The following ABCA4 variants were observed in gnomAD, a reference collection of about 807,000 sequenced individuals.
ABCA4 encodes the protein ATP binding cassette subfamily A member 4.
In ABCA4, 196 loss-of-function variants were observed where a neutral mutation model predicts 263.7. That is an observed-to-expected ratio of 0.74 (90% CI 0.66 to 0.84). The LOEUF is 0.84. Ranked by LOEUF, ABCA4 falls within the 40% of genes least tolerant of loss-of-function variation. The pLI, the probability that ABCA4 is intolerant of heterozygous loss-of-function variation, is 0.00. For synonymous variants in ABCA4, 1,133 were observed against 1,094.2 expected (o/e 1.04, Z -0.70); for missense variants, 2,792 against 2,855.1 (o/e 0.98, Z 0.50).
At chr1:94,085,192 A>G (rs962222619) in intron 6 of ABCA4, among the ~76,000 whole-genome samples, 1 of 152,196 alleles carries the variant, frequency 6.6e-6, no homozygotes, top group African/African-American at 2.4e-5. Context: ...AGGGAAGTAC[A>G]TATGGTGAAA....
chr1:94,026,599 C>T (rs942404919), intron 30 of ABCA4, among the ~76,000 whole-genome samples: 1 of 152,198 alleles, frequency 6.6e-6, no homozygotes, highest in Non-Finnish European at 1.5e-5. Flanking sequence ...TGGTGGAATC[C>T]AGGTTGGAAA....
chr1:94,043,551 G>A lies in ABCA4; in HGVS notation c.3051-76C>T, dbSNP rs894015546. Reference sequence around the variant, plus strand: ...AGCAGCTGATCTTACAGAAATAATTGAGGACAAGTATTCTTGATTTGGCAA... The same window carrying A: ...AGCAGCTGATCTTACAGAAATAATTAAGGACAAGTATTCTTGATTTGGCAA... On this transcript the variant is annotated intron_variant, in intron 20 of 49. Coordinates refer to ENST00000370225, the MANE Select transcript of ABCA4 (RefSeq NM_000350.3). The A allele has an allele frequency of 1.1e-5, 18 of 1,584,964 alleles. No individual in the cohort carries two copies. In the African/African-American group the frequency reaches 2.0e-4, roughly 18 times the overall value.
In ABCA4 at chr1:94,015,723, G is replaced by T; in HGVS notation, c.5312+16C>A. ...CTTCTCTTCAGAGGCATTAGCTAATGGCCCAAACGGCTTACCCATACAGCA... is the reference window on the plus strand; with the variant it reads ...CTTCTCTTCAGAGGCATTAGCTAATTGCCCAAACGGCTTACCCATACAGCA... On this transcript the variant is annotated intron_variant, in intron 37 of 49. Coordinates refer to ENST00000370225, the MANE Select transcript of ABCA4 (RefSeq NM_000350.3). 10 of 1,519,008 alleles carry T rather than the reference G, an allele frequency of 6.6e-6. No individual in the cohort carries two copies. The highest frequency in any genetic ancestry group is 1.4e-5 in the African/African-American group (1 of 72,956). The allele number at this position is 1,519,008 out of a possible 1,614,324, so 94.1% of individuals were successfully genotyped here.
At chr1:94,021,202 G>T in intron 35 of ABCA4, 38 bp downstream of exon 35, 1 of 1,613,472 alleles carries the variant, frequency 6.2e-7, no homozygotes, top group South Asian at 1.1e-5. Context: ...TGGAGAAGGT[G>T]ACAAGAAAGT....
chr1:94,117,793 C>T (rs1411251945), intron 1 of ABCA4, among the ~76,000 whole-genome samples: 2 of 152,236 alleles, frequency 1.3e-5, no homozygotes, highest in East Asian at 1.9e-4. Context: ...AGTAATTATA[C>T]GTGGGAGCCG....
At chr1:94,007,169 T>G (rs1353454119) in intron 43 of ABCA4, among the ~76,000 whole-genome samples, 5 of 152,200 alleles carry the variant, frequency 3.3e-5, no homozygotes, top group Admixed American at 3.3e-4. Flanking sequence ...GGAAGGATTC[T>G]TCATTCATCA....
At chr1:94,073,084 C>G (rs1422746840) in intron 11 of ABCA4, among the ~76,000 whole-genome samples, 1 of 152,170 alleles carries the variant, frequency 6.6e-6, no homozygotes, top group East Asian at 1.9e-4. Flanking sequence ...TTTTCATGGC[C>G]TCTCTGCTAC....
chr1:94,029,307 G>A (rs1383536737), intron 30 of ABCA4, 138 bp downstream of exon 30: 4 of 844,286 alleles, frequency 4.7e-6, no homozygotes, highest in Non-Finnish European at 7.1e-6. Context: ...CCCAGAGGGT[G>A]CAGGGAGTTT....
rs1452937542 is a variant in ABCA4, at chr1:94,002,007, G to T, written c.6148-15C>A. On this transcript the variant is annotated splice_polypyrimidine_tract_variant and intron_variant, in intron 44 of 49. Transcript: ENST00000370225. ...CAGTTTGCAACCTAGGGAAGAGAAA[G>T]AAATGCCATTTGGAGAAGACAAGCA... 6.2e-7 allele frequency: 1 copy of T among 1,614,154 alleles called. No homozygotes were observed. The highest frequency in any genetic ancestry group is 1.7e-5 in the Admixed American group (1 of 60,028).
intron 3 of ABCA4, among the ~76,000 whole-genome samples, chr1:94,110,276 G>A (rs970424126): frequency 2.0e-5 from 3 of 152,200 alleles, no homozygotes; most frequent in African/African-American, 7.2e-5. Flanking sequence ...AGATCATACA[G>A]TCTCTATCAC....
At chr1:94,043,297 T>C in intron 21 of ABCA4, 39 bp downstream of exon 21, 1 of 1,613,696 alleles carries the variant, frequency 6.2e-7, no homozygotes, top group Non-Finnish European at 8.5e-7. Context: ...AGCCATGGAT[T>C]TGCCATCTGT....
chr1:94,035,570 T>G (rs758831629), intron 26 of ABCA4, among the ~76,000 whole-genome samples: 4 of 152,206 alleles, frequency 2.6e-5, no homozygotes, highest in Non-Finnish European at 4.4e-5. Context: ...AAGAGCTGAT[T>G]CCAGAATCCA....
chr1:94,010,767 T>G (rs1474450733), intron 40 of ABCA4, 33 bp downstream of exon 40: 1 of 1,614,064 alleles, frequency 6.2e-7, no homozygotes, highest in South Asian at 1.1e-5. Flanking sequence ...TGCCCTGAGC[T>G]GCCCACTGGC....
chr1:94,100,210 G>A (rs1662252225), intron 5 of ABCA4, among the ~76,000 whole-genome samples: 2 of 152,114 alleles, frequency 1.3e-5, no homozygotes, highest in Non-Finnish European at 2.9e-5. Context: ...GGACACTTTC[G>A]ATCTCAGGGA....
chr1:94,110,186 A>T (rs1024306188), intron 3 of ABCA4, among the ~76,000 whole-genome samples: 6 of 152,186 alleles, frequency 3.9e-5, no homozygotes, highest in African/African-American at 7.2e-5. Context: ...CACTTCCTTG[A>T]CTTTGCTAGG....
At chr1:94,041,076 G>T (rs1660471981) in intron 23 of ABCA4, 133 bp downstream of exon 23, 1 of 948,828 alleles carries the variant, frequency 1.1e-6, no homozygotes, top group Non-Finnish European at 1.7e-6. Context: ...GAAATCTTCT[G>T]CAAATGGTCC....
At chr1:94,120,886 TG>T in intron 1 of ABCA4, 93 bp downstream of exon 1, 22 of 155,270 alleles carry the variant, frequency 1.4e-4, no homozygotes, top group Admixed American at 3.4e-4. Flanking sequence ...CCCCCCACCC[TG>T]CCCCACCACC....
intron 8 of ABCA4, 61 bp from the exon 9 acceptor site, chr1:94,079,522 T>C: frequency 6.2e-7 from 1 of 1,609,224 alleles, no homozygotes; most frequent in South Asian, 1.1e-5. Context: ...CTCAATATAG[T>C]CATTAGTGTA....
intron 34 of ABCA4, 110 bp from the exon 35 acceptor site, chr1:94,021,519 A>G: frequency 6.6e-7 from 1 of 1,524,390 alleles, no homozygotes; most frequent in Non-Finnish European, 9.1e-7. Flanking sequence ...GCTGGAAGAC[A>G]TTCCTTGCTA....
Sources: gnomAD v4.1 joint callset for allele counts (sites outside exome capture counted in the v4.1 genomes callset) on GRCh38, gnomAD v4.1.1 for gene constraint, MANE v1.5 for transcripts, NCBI Gene and HGNC (gene_info 2026-07-23, HGNC 2026-07-21) for gene names.